CMTM7: variants seen among roughly 807,000 people sequenced by gnomAD.
The protein encoded by CMTM7 is CKLF-like MARVEL transmembrane domain-containing protein 7.
In CMTM7, 7 loss-of-function variants were observed where a neutral mutation model predicts 19.3. The ratio of observed to expected loss-of-function variants is 0.36; its 90% confidence interval spans 0.21 to 0.68. CMTM7 has a LOEUF of 0.68. Among genes scored for constraint, CMTM7 ranks in the 30% least tolerant of loss-of-function variants. The pLI is 0.60. For missense variants in CMTM7, 193 were observed against 232.6 expected, an observed-to-expected ratio of 0.83 and a Z score of 1.11; for synonymous variants, 87 against 99.3, an observed-to-expected ratio of 0.88 and a Z score of 0.74.
intron 3 of CMTM7, chr3:32,451,585 G>T (rs1696831533): frequency 6.1e-6 from 1 of 164,996 alleles, no homozygotes; most frequent in African/African-American, 2.4e-5. Flanking sequence ...TCACACCCTG[G>T]TAGGGATGTA....
chr3:32,397,664 G>A (rs948540213), intron 1 of CMTM7, among the ~76,000 whole-genome samples: 3 of 151,982 alleles, frequency 2.0e-5, no homozygotes, highest in African/African-American at 7.3e-5. Flanking sequence ...AACCCGGGAG[G>A]CAGAGGTTGC....
intron 2 of CMTM7, among the ~76,000 whole-genome samples, chr3:32,445,616 G>A (rs531708728): frequency 2.9e-4 from 44 of 151,940 alleles, no homozygotes; most frequent in African/African-American, 1.0e-3. Flanking sequence ...AGGCTCAAGC[G>A]ATCCTCCCAC....
Position 32,449,285 on chromosome 3 carries a change from G to A in CMTM7, c.334-169G>A, listed in dbSNP as rs573871033. On this transcript the variant is annotated intron_variant, in intron 2 of 4. Coordinates refer to ENST00000334983, the MANE Select transcript of CMTM7 (RefSeq NM_138410.4). The surrounding 1 kb of genome is among the most constrained non-coding windows in gnomAD (Gnocchi z 4.5). ...TGCTTGGCCTCTTCCTGGTCAGCCC[G>A]CATGTTGGCTGCCTGCGAGCGGCTC... Among the ~76,000 whole-genome samples, 2 of 152,176 alleles carry A rather than the reference G, an allele frequency of 1.3e-5. No homozygotes were observed. Among genetic ancestry groups the A allele is most frequent in the African/African-American group, 4.8e-5 (2 of 41,422 alleles).
chr3:32,416,516 G>A (rs1159781918), intron 1 of CMTM7, among the ~76,000 whole-genome samples: 1 of 138,326 alleles, frequency 7.2e-6, no homozygotes, highest in African/African-American at 2.7e-5. Flanking sequence ...TCAGCCTCCC[G>A]AGTAGCTGGG....
intron 2 of CMTM7, among the ~76,000 whole-genome samples, chr3:32,447,876 T>C (rs1007619098): frequency 6.6e-6 from 1 of 152,344 alleles, no homozygotes; most frequent in East Asian, 1.9e-4. Flanking sequence ...TCTGACCACC[T>C]CTGCATCTTG....
At position 32,455,028 on chromosome 3, in the gene CMTM7, CAT is replaced by C. The variant is rs1394455067; in HGVS notation, c.*775_*776del. On this transcript the variant is annotated 3_prime_UTR_variant, in exon 5 of 5. Coordinates refer to ENST00000334983, the MANE Select transcript of CMTM7 (RefSeq NM_138410.4). ...ATAGCAGGGCAGAGTTTTAGGTAAA[CAT>C]GTGCAGGTTCTCAATTATATTCACG... 1 of 153,632 alleles carries C rather than the reference CAT, an allele frequency of 6.5e-6. No individual in the cohort carries two copies. Among genetic ancestry groups the C allele is most frequent in the Non-Finnish European group, 1.4e-5 (1 of 69,082 alleles). The allele number at this position is 153,632 out of a possible 1,614,324, so 9.5% of individuals were successfully genotyped here. A position where few individuals can be genotyped will look rare whatever the true frequency, so the allele number is the denominator to read the frequency against.
chr3:32,420,379 G>A (rs1034592864), intron 1 of CMTM7, among the ~76,000 whole-genome samples: 2 of 152,254 alleles, frequency 1.3e-5, no homozygotes, highest in Non-Finnish European at 2.9e-5. Context: ...AATGTAGGGA[G>A]TGGCCAGGTT....
At chr3:32,427,680 A>G (rs4955150) in intron 1 of CMTM7, among the ~76,000 whole-genome samples, 3,364 of 152,312 alleles carry the variant, frequency 0.022, 54 homozygotes, top group Non-Finnish European at 0.034. Context: ...CATCACAGAA[A>G]GTTCTATTGG....
At chr3:32,427,279 G>A (rs570084430) in intron 1 of CMTM7, among the ~76,000 whole-genome samples, 2 of 152,252 alleles carry the variant, frequency 1.3e-5, no homozygotes, top group Non-Finnish European at 2.9e-5. Flanking sequence ...TGGTCCCACT[G>A]AGCAGGACAA....
intron 2 of CMTM7, among the ~76,000 whole-genome samples, chr3:32,443,125 G>A (rs1000187655): frequency 6.6e-6 from 1 of 151,998 alleles, no homozygotes; most frequent in East Asian, 1.9e-4. Flanking sequence ...TAGAGACAGG[G>A]TCTCACTCTG....
intron 1 of CMTM7, among the ~76,000 whole-genome samples, chr3:32,434,472 ATT>A (rs199671131): frequency 1.4e-4 from 21 of 148,416 alleles, no homozygotes; most frequent in African/African-American, 4.9e-4. Flanking sequence ...AATTTTAAAA[ATT>A]TTTTTTTTTT....
At chr3:32,427,082 C>T (rs529180721) in intron 1 of CMTM7, among the ~76,000 whole-genome samples, 1 of 152,264 alleles carries the variant, frequency 6.6e-6, no homozygotes, top group African/African-American at 2.4e-5. Context: ...AAGGCCACAC[C>T]ACTAGAAAAT....
chr3:32,421,385 G>T (rs928790739), intron 1 of CMTM7, among the ~76,000 whole-genome samples: 1 of 152,058 alleles, frequency 6.6e-6, no homozygotes, highest in African/African-American at 2.4e-5. Context: ...GCCTAACATG[G>T]ACAACAACCC....
chr3:32,391,925 C>A lies in CMTM7; in HGVS notation c.19C>A (p.Leu7Ile). ...CCGCGCAATGTCGCACGGAGCCGGG[C>A]TCGTCCGCACCACGTGCAGCAGCGG... MSHGAG[L>I]VRTTCSSGSA... The change falls in exon 1 of 5, where the codon CTC becomes ATC. Residue 7 changes from leucine to isoleucine, a missense_variant. Physicochemically the swap from Leu to Ile is conservative, Grantham distance 5 (BLOSUM62 2). Transcript: ENST00000334983. 1.6e-6 allele frequency: 2 copies of A among 1,226,312 alleles called. No individual in the cohort carries two copies. The highest frequency in any genetic ancestry group is 3.1e-4 in the Middle Eastern group (1 of 3,192). 76.0% of individuals were successfully genotyped at this position (1,226,312 alleles called of 1,614,324 possible). A position where few individuals can be genotyped will look rare whatever the true frequency, so the allele number is the denominator to read the frequency against.
intron 1 of CMTM7, among the ~76,000 whole-genome samples, chr3:32,395,859 G>T (rs777296618): frequency 1.3e-5 from 2 of 152,234 alleles, no homozygotes; most frequent in Admixed American, 6.5e-5. Context: ...ATAATAACCA[G>T]AAAATGAAAA....
intron 1 of CMTM7, among the ~76,000 whole-genome samples, chr3:32,433,725 C>CAG (rs914310502): frequency 1.5e-4 from 23 of 152,114 alleles, no homozygotes; most frequent in African/African-American, 5.1e-4. Context: ...GGAGCTGTCA[C>CAG]AGAGGATGGC....
At chr3:32,451,390 T>A (rs928431330) in intron 3 of CMTM7, 2 of 152,512 alleles carry the variant, frequency 1.3e-5, no homozygotes, top group Non-Finnish European at 2.9e-5. Flanking sequence ...GTGCGGACTC[T>A]GGAGCCAGGC....
intron 1 of CMTM7, among the ~76,000 whole-genome samples, chr3:32,402,858 C>T (rs890460035): frequency 3.9e-5 from 6 of 152,130 alleles, no homozygotes; most frequent in African/African-American, 9.7e-5. Context: ...CCACTATGGC[C>T]GGCCACTCAT....
chr3:32,400,769 T>C (rs574375257), intron 1 of CMTM7, among the ~76,000 whole-genome samples: 35 of 152,304 alleles, frequency 2.3e-4, no homozygotes, highest in African/African-American at 7.5e-4. Context: ...AGTGCTGTCA[T>C]AGCCAGTCAT....
Sources: gnomAD v4.1 joint callset for allele counts (sites outside exome capture counted in the v4.1 genomes callset) on GRCh38, gnomAD v4.1.1 for gene constraint, Gnocchi (gnomAD v3.1) non-coding constraint, MANE v1.5 for transcripts, NCBI Gene and HGNC (gene_info 2026-07-23, HGNC 2026-07-21) for gene names.